Variants in COL26A1 observed in about 807,000 individuals in gnomAD.
COL26A1 encodes the protein collagen alpha-1(XXVI) chain.
In COL26A1, 41 loss-of-function variants were observed where a neutral mutation model predicts 59.3. That is an observed-to-expected ratio of 0.69 (90% CI 0.54 to 0.90). COL26A1 has a LOEUF of 0.90. COL26A1 is among the 40% of genes least tolerant of loss of function. The pLI, the probability that COL26A1 is intolerant of heterozygous loss-of-function variation, is 0.00. For synonymous variants in COL26A1, 266 were observed against 256.0 expected, an observed-to-expected ratio of 1.04 and a Z score of -0.37; for missense variants, 612 against 602.3, an observed-to-expected ratio of 1.02 and a Z score of -0.17.
chr7:101,545,589 A>C (rs1450386035), intron 7 of COL26A1, 99 bp downstream of exon 7: 1 of 1,297,620 alleles, frequency 7.7e-7, no homozygotes, highest in Admixed American at 3.0e-5. Context: ...GGACCCCACC[A>C]CATGCCCATC....
At chr7:101,547,779 T>C (rs1584505661) in intron 8 of COL26A1, among the ~76,000 whole-genome samples, 1 of 145,408 alleles carries the variant, frequency 6.9e-6, no homozygotes. Flanking sequence ...ATTCATTCGT[T>C]CATTCATTCA....
intron 3 of COL26A1, among the ~76,000 whole-genome samples, chr7:101,448,285 G>A (rs371664058): frequency 2.0e-5 from 3 of 152,176 alleles, no homozygotes; most frequent in Non-Finnish European, 4.4e-5. Flanking sequence ...TGTTTAGCCC[G>A]GGGGCCTGGG....
At chr7:101,511,244 G>T (rs898626755) in intron 3 of COL26A1, among the ~76,000 whole-genome samples, 1 of 152,176 alleles carries the variant, frequency 6.6e-6, no homozygotes, top group Admixed American at 6.6e-5. Flanking sequence ...AGTTCAAGTC[G>T]ACATCAGGTG....
At chr7:101,453,201 T>C (rs1161690388) in intron 3 of COL26A1, among the ~76,000 whole-genome samples, 1 of 152,140 alleles carries the variant, frequency 6.6e-6, no homozygotes, top group Non-Finnish European at 1.5e-5. Context: ...ACCCCGTCTC[T>C]ACTAAAAATA....
intron 2 of COL26A1, among the ~76,000 whole-genome samples, chr7:101,432,877 T>A (rs1053427105): frequency 2.5e-4 from 38 of 152,150 alleles, no homozygotes; most frequent in African/African-American, 7.7e-4. Context: ...TAATTTTGTA[T>A]TTTTAGTAGA....
At chr7:101,396,410 C>T (rs958542623) in intron 1 of COL26A1, among the ~76,000 whole-genome samples, 2 of 152,150 alleles carry the variant, frequency 1.3e-5, no homozygotes, top group African/African-American at 2.4e-5. Flanking sequence ...CAGCCCCTGA[C>T]TGACTACTCC....
chr7:101,557,222 T>A, intron 12 of COL26A1, 148 bp from the exon 13 acceptor site: 1 of 673,288 alleles, frequency 1.5e-6, no homozygotes, highest in Non-Finnish European at 2.4e-6. Flanking sequence ...CATGAATGAA[T>A]GAATGCATAA....
intron 3 of COL26A1, among the ~76,000 whole-genome samples, chr7:101,521,970 T>G (rs1175746723): frequency 6.6e-6 from 1 of 152,208 alleles, no homozygotes; most frequent in Non-Finnish European, 1.5e-5. Context: ...CTGACCGTGT[T>G]GCATTTCATT....
intron 9 of COL26A1, among the ~76,000 whole-genome samples, chr7:101,549,505 G>A (rs947246514): frequency 1.3e-5 from 2 of 151,968 alleles, no homozygotes; most frequent in African/African-American, 2.4e-5. Context: ...CTCAGCCTCC[G>A]GATTAGCCGG....
At position 101,382,940 on chromosome 7, in the gene COL26A1, G is replaced by A. The variant is rs150238582; in HGVS notation, c.158+19750G>A. Among the ~76,000 whole-genome samples the A allele has an allele frequency of 4.4e-3, 671 of 152,316 alleles. 2 individuals carry two copies. The highest frequency in any genetic ancestry group is 0.017 in the Middle Eastern group (5 of 294). ...GCCTGTAATCCCAGCTACTCTGGAG[G>A]TGGAGGCAGGAGAATCACTTGAGCC... On this transcript the variant is annotated intron_variant, in intron 1 of 12. Transcript: ENST00000313669.
At chr7:101,420,353 C>T (rs1313920072) in intron 2 of COL26A1, among the ~76,000 whole-genome samples, 4 of 152,144 alleles carry the variant, frequency 2.6e-5, no homozygotes, top group Non-Finnish European at 5.9e-5. Flanking sequence ...AGACAGAAGA[C>T]CACCACAGAT....
chr7:101,392,287 T>C (rs1791749574), intron 1 of COL26A1, among the ~76,000 whole-genome samples: 1 of 151,990 alleles, frequency 6.6e-6, no homozygotes, highest in Non-Finnish European at 1.5e-5. Context: ...GTTGGGGCAG[T>C]GTGCATCTAC....
At chr7:101,402,769 CCCTTT>C (rs1285542070) in intron 1 of COL26A1, among the ~76,000 whole-genome samples, 5 of 135,822 alleles carry the variant, frequency 3.7e-5, no homozygotes, top group African/African-American at 5.5e-5. Context: ...CTCCCTTGCC[CCCTTT>C]CCTTTCCTGT....
At chr7:101,451,744 G>C (rs1416526161) in intron 3 of COL26A1, among the ~76,000 whole-genome samples, 6 of 140,780 alleles carry the variant, frequency 4.3e-5, no homozygotes, top group Non-Finnish European at 7.5e-5. Flanking sequence ...TCGCTCTGTT[G>C]CCCAGGCTGG....
Position 101,544,056 on chromosome 7 carries a change from C to G in COL26A1, c.663C>G (p.Asp221Glu), listed in dbSNP as rs1795675559. The stretch of plus-strand genomic sequence containing the variant: ...CAGGCCCCCCCGGGTCTAAAGGTGA[C>G]CGAGGCCAGACAGGAGAGAAGGGTC... ...GPAGPPGSKG[D>E]RGQTGEKGPA... The change falls in exon 6 of 13, where the codon GAC becomes GAG. Residue 221 changes from aspartate (D) to glutamate (E), a missense_variant. By Grantham distance (45) the Asp-to-Glu change is conservative. Coordinates refer to ENST00000313669, the MANE Select transcript of COL26A1 (RefSeq NM_001278563.3). The G allele has an allele frequency of 6.2e-7, 1 of 1,605,542 alleles. No individual in the cohort carries two copies. The highest frequency in any genetic ancestry group is 8.5e-7 in the Non-Finnish European group (1 of 1,176,628).
chr7:101,557,354 C>T lies in COL26A1; in HGVS notation c.1166-16C>T. ...TAAGGCTCTACCTCGAGTCCACCCT[C>T]CTGCTCTCCTTCCAGATCCCCTGGC... On this transcript the variant is annotated splice_polypyrimidine_tract_variant and intron_variant, in intron 12 of 12. Coordinates refer to ENST00000313669, the MANE Select transcript of COL26A1 (RefSeq NM_001278563.3). 1.2e-6 allele frequency: 2 copies of T among 1,609,080 alleles called. No homozygotes were observed. The highest frequency in any genetic ancestry group is 2.2e-5 in the South Asian group (2 of 90,532).
chr7:101,385,186 TCAATC>T (rs71129617), intron 1 of COL26A1, among the ~76,000 whole-genome samples: 81,015 of 149,296 alleles, frequency 0.54, 24,589 homozygotes, highest in Middle Eastern at 0.7. Flanking sequence ...TTTGCATTCT[TCAATC>T]CAATCAATTT....
chr7:101,383,714 T>A (rs1791501486), intron 1 of COL26A1, among the ~76,000 whole-genome samples: 1 of 152,206 alleles, frequency 6.6e-6, no homozygotes, highest in South Asian at 2.1e-4. Context: ...TTTGTATTTT[T>A]AGTAGAGACA....
chr7:101,515,160 T>A (rs1157195782), intron 3 of COL26A1, among the ~76,000 whole-genome samples: 1 of 152,208 alleles, frequency 6.6e-6, no homozygotes, highest in Non-Finnish European at 1.5e-5. Context: ...CCCAATTTAG[T>A]AGCCTCACTC....
Sources: gnomAD v4.1 joint callset for allele counts (sites outside exome capture counted in the v4.1 genomes callset) on GRCh38, gnomAD v4.1.1 for gene constraint, MANE v1.5 for transcripts, NCBI Gene and HGNC (gene_info 2026-07-23, HGNC 2026-07-21) for gene names.